ATP8A2: variants seen among roughly 807,000 people sequenced by gnomAD.
ATP8A2 encodes the protein ATPase phospholipid transporting 8A2.
ATP8A2 carries 100 observed loss-of-function variants against 165.6 expected under a neutral mutation model. The observed-to-expected ratio is 0.60, with a 90% CI of 0.51 to 0.71. The LOEUF (loss-of-function observed/expected upper bound fraction) is 0.71, where lower values mean the gene tolerates loss of function less well. Ranked by LOEUF, ATP8A2 falls within the 30% of genes least tolerant of loss-of-function variation. ATP8A2 has a pLI of 0.00. For missense variants in ATP8A2, 1,227 were observed against 1,479.5 expected, an observed-to-expected ratio of 0.83 and a Z score of 2.80; for synonymous variants, 543 against 548.8, an observed-to-expected ratio of 0.99 and a Z score of 0.15.
At chr13:25,442,328 T>C (rs1340901810) in intron 1 of ATP8A2, among the ~76,000 whole-genome samples, 2 of 152,214 alleles carry the variant, frequency 1.3e-5, no homozygotes, top group Non-Finnish European at 2.9e-5. Context: ...CCATACTGTT[T>C]TCCATAGCAG....
chr13:25,783,058 C>CAAT (rs1235485509), intron 27 of ATP8A2, among the ~76,000 whole-genome samples: 3 of 2,078 alleles, frequency 1.4e-3, no homozygotes, highest in Non-Finnish European at 4.1e-3. Flanking sequence ...TAAATATGTA[C>CAAT]TATTTATTCT....
intron 25 of ATP8A2, among the ~76,000 whole-genome samples, chr13:25,753,060 G>A (rs2044187567): frequency 6.6e-6 from 1 of 152,168 alleles, no homozygotes; most frequent in Non-Finnish European, 1.5e-5. Context: ...CCCTCCCTCG[G>A]TCTCCTTCAG....
At chr13:25,914,505 GT>G (rs946381648) in intron 33 of ATP8A2, among the ~76,000 whole-genome samples, 1 of 152,108 alleles carries the variant, frequency 6.6e-6, no homozygotes, top group African/African-American at 2.4e-5. Context: ...AATGTGGAAG[GT>G]TTTTTTATGC....
At chr13:25,675,644 T>G (rs2042356640) in intron 24 of ATP8A2, among the ~76,000 whole-genome samples, 1 of 152,248 alleles carries the variant, frequency 6.6e-6, no homozygotes, top group South Asian at 2.1e-4. Context: ...AAGAATATCA[T>G]GTAAACATGT....
intron 2 of ATP8A2, among the ~76,000 whole-genome samples, chr13:25,473,046 T>C (rs7988711): frequency 2.6e-4 from 40 of 152,052 alleles, no homozygotes; most frequent in African/African-American, 9.7e-4. Context: ...TGAAGAAAGA[T>C]GGTGGGTCTA....
chr13:25,456,241 T>G (rs946264309), intron 1 of ATP8A2, among the ~76,000 whole-genome samples: 1 of 152,228 alleles, frequency 6.6e-6, no homozygotes, highest in African/African-American at 2.4e-5. Context: ...GAAGTACTCG[T>G]CTTTCTCTTA....
chr13:25,580,176 T>G lies in ATP8A2; in HGVS notation c.2007+229T>G, dbSNP rs185069526. Among the ~76,000 whole-genome samples, 106 of 152,260 alleles carry G rather than the reference T, an allele frequency of 7.0e-4. 1 individual carries two copies. The highest frequency in any genetic ancestry group is 2.5e-3 in the African/African-American group (103 of 41,548). ...TAAACATTAATGATAGCTTAAGAAA[T>G]ATCAGGTCAAAAACAGCATCAGCGA... is the stretch of plus-strand genomic sequence containing the variant. On this transcript the variant is annotated intron_variant, in intron 22 of 36. Coordinates refer to ENST00000381655, the MANE Select transcript of ATP8A2 (RefSeq NM_016529.6).
chr13:25,743,310 G>A (rs74037419), intron 25 of ATP8A2, among the ~76,000 whole-genome samples: 4,196 of 148,826 alleles, frequency 0.028, 142 homozygotes, highest in African/African-American at 0.097. Flanking sequence ...CTCAGACTTC[G>A]GAAGGAATCT....
chr13:25,831,641 G>A (rs566896257), intron 28 of ATP8A2, among the ~76,000 whole-genome samples: 2 of 151,982 alleles, frequency 1.3e-5, no homozygotes, highest in African/African-American at 4.8e-5. Flanking sequence ...TCAAGAGTTC[G>A]AGACCAGCCT....
At chr13:25,845,159 A>G (rs1951828521) in intron 30 of ATP8A2, among the ~76,000 whole-genome samples, 1 of 152,188 alleles carries the variant, frequency 6.6e-6, no homozygotes, top group African/African-American at 2.4e-5. Flanking sequence ...GTCTGCCTGC[A>G]GCTCCTCGCC....
At chr13:25,680,630 G>C (rs1198541600) in intron 24 of ATP8A2, among the ~76,000 whole-genome samples, 2 of 152,202 alleles carry the variant, frequency 1.3e-5, no homozygotes, top group Non-Finnish European at 2.9e-5. Context: ...ACAACATGGA[G>C]AGATAGAGTG....
intron 1 of ATP8A2, among the ~76,000 whole-genome samples, chr13:25,420,555 A>G (rs986828547): frequency 9.9e-5 from 15 of 152,260 alleles, no homozygotes; most frequent in Non-Finnish European, 1.6e-4. Context: ...AATGAGCTTC[A>G]TATTTGATTT....
intron 33 of ATP8A2, among the ~76,000 whole-genome samples, chr13:25,956,061 A>G (rs1409078438): frequency 6.6e-6 from 1 of 152,226 alleles, no homozygotes; most frequent in Non-Finnish European, 1.5e-5. Flanking sequence ...AAGGCCTTCA[A>G]TAAAATTCAA....
At chr13:25,717,426 A>AAACAAC (rs2043279369) in intron 25 of ATP8A2, among the ~76,000 whole-genome samples, 2 of 151,508 alleles carry the variant, frequency 1.3e-5, no homozygotes, top group East Asian at 3.9e-4. Context: ...ACTAAAAAAA[A>AAACAAC]AAAAAAAAAA....
rs200415100 is a variant in ATP8A2 at position 25,577,114 on chromosome 13, A to G, written c.1758A>G (p.Arg586=). The change falls in exon 20 of 37, where the codon CGA becomes CGG. Residue 586 remains arginine, a synonymous_variant. Transcript: ENST00000381655. Reference sequence around the variant, plus strand: ...TAATTGTTCGAACTCCTTCAGGACGACTTCGGCTTTACTGTAAAGGGGCTG... The same window carrying G: ...TAATTGTTCGAACTCCTTCAGGACGGCTTCGGCTTTACTGTAAAGGGGCTG... ...MSVIVRTPSG[R]LRLYCKGADN... The G allele has an allele frequency of 2.4e-4, 394 of 1,613,984 alleles. 1 individual carries two copies. The African/African-American group carries it at 5.1e-3, about 21-fold the overall frequency.
intron 2 of ATP8A2, among the ~76,000 whole-genome samples, chr13:25,510,315 T>C (rs2037185013): frequency 6.6e-6 from 1 of 152,160 alleles, no homozygotes; most frequent in Admixed American, 6.5e-5. Context: ...CCCCTTGGGC[T>C]ATTGGCTCAG....
intron 33 of ATP8A2, among the ~76,000 whole-genome samples, chr13:25,912,913 C>G (rs1954160756): frequency 6.6e-6 from 1 of 152,212 alleles, no homozygotes; most frequent in Admixed American, 6.5e-5. Flanking sequence ...CTAAATGCAG[C>G]AGTGCGTTGG....
At chr13:25,676,031 C>A (rs1410686007) in intron 24 of ATP8A2, among the ~76,000 whole-genome samples, 1 of 151,802 alleles carries the variant, frequency 6.6e-6, no homozygotes, top group Non-Finnish European at 1.5e-5. Context: ...TTACATGTAA[C>A]CCATAAGCGT....
chr13:25,480,912 C>T (rs1029397778), intron 2 of ATP8A2, among the ~76,000 whole-genome samples: 1 of 152,030 alleles, frequency 6.6e-6, no homozygotes, highest in Non-Finnish European at 1.5e-5. Flanking sequence ...CTGGCACCTC[C>T]GGAGGCCGAG....
Sources: allele counts gnomAD v4.1 joint callset (sites outside exome capture counted in the v4.1 genomes callset), GRCh38; gene constraint gnomAD v4.1.1; transcripts MANE v1.5; gene names NCBI Gene and HGNC (gene_info 2026-07-23, HGNC 2026-07-21).